PTPRK: variants seen among roughly 807,000 people sequenced by gnomAD.
PTPRK encodes protein tyrosine phosphatase receptor type K.
Under a neutral mutation model 178.0 loss-of-function variants are expected in PTPRK, and 75 were observed. The observed-to-expected ratio is 0.42, with a 90% CI of 0.35 to 0.51. The LOEUF (loss-of-function observed/expected upper bound fraction) is 0.51. PTPRK is among the 20% of genes least tolerant of loss of function. The pLI, the probability that PTPRK is intolerant of heterozygous loss-of-function variation, is 0.02. For missense variants in PTPRK, 1,441 were observed against 1,797.8 expected (o/e 0.80, Z 3.59); for synonymous variants, 637 against 620.6 (o/e 1.03, Z -0.39).
At chr6:128,134,325 TAG>T (rs1471223682) in intron 7 of PTPRK, among the ~76,000 whole-genome samples, 3 of 152,212 alleles carry the variant, frequency 2.0e-5, no homozygotes, top group African/African-American at 4.8e-5. Flanking sequence ...TGATCTTTTC[TAG>T]AGAGATTTGT....
At chr6:128,266,357 C>T (rs1168404222) in intron 3 of PTPRK, among the ~76,000 whole-genome samples, 2 of 152,082 alleles carry the variant, frequency 1.3e-5, no homozygotes, top group Non-Finnish European at 2.9e-5. Context: ...CCTTCACTTT[C>T]CAGTGGTCTG....
chr6:128,284,776 AAT>A (rs1461547969), intron 3 of PTPRK, among the ~76,000 whole-genome samples: 1 of 152,176 alleles, frequency 6.6e-6, no homozygotes, highest in Non-Finnish European at 1.5e-5. Flanking sequence ...CTAGAGTGCA[AAT>A]TTCTGTAGGG....
intron 7 of PTPRK, among the ~76,000 whole-genome samples, chr6:128,094,468 A>T (rs1787568176): frequency 6.6e-6 from 1 of 152,208 alleles, no homozygotes; most frequent in African/African-American, 2.4e-5. Flanking sequence ...GTGAATGGAT[A>T]CAATATAGCT....
At chr6:128,495,940 G>T (rs762113250) in intron 1 of PTPRK, among the ~76,000 whole-genome samples, 1 of 152,142 alleles carries the variant, frequency 6.6e-6, no homozygotes, top group Non-Finnish European at 1.5e-5. Context: ...CTCTTTGCTT[G>T]TATCTCCTGC....
At chr6:128,298,945 C>T (rs943355406) in intron 3 of PTPRK, among the ~76,000 whole-genome samples, 111 of 152,208 alleles carry the variant, frequency 7.3e-4, no homozygotes, top group Admixed American at 3.3e-3. Flanking sequence ...TGTTTGCAGA[C>T]GACATGATTG....
chr6:128,334,443 CAAG>C (rs1200443830), intron 2 of PTPRK, among the ~76,000 whole-genome samples: 2 of 152,028 alleles, frequency 1.3e-5, no homozygotes, highest in Non-Finnish European at 2.9e-5. Flanking sequence ...ACTTTTAGTA[CAAG>C]AAGTACATGA....
intron 3 of PTPRK, among the ~76,000 whole-genome samples, chr6:128,310,614 C>T (rs554308964): frequency 2.0e-5 from 3 of 152,262 alleles, no homozygotes; most frequent in East Asian, 1.9e-4. Flanking sequence ...GTGAAGGCAG[C>T]CCACTGACAA....
At chr6:128,454,052 G>A (rs1276148096) in intron 1 of PTPRK, among the ~76,000 whole-genome samples, 1 of 152,114 alleles carries the variant, frequency 6.6e-6, no homozygotes, top group Non-Finnish European at 1.5e-5. Context: ...AGCCCTTAAT[G>A]GAATAAAGCA....
intron 3 of PTPRK, among the ~76,000 whole-genome samples, chr6:128,320,511 A>T (rs1313591044): frequency 6.6e-6 from 1 of 152,166 alleles, no homozygotes; most frequent in Non-Finnish European, 1.5e-5. Flanking sequence ...ACAAGTTGTG[A>T]ACAGGGTTGA....
intron 3 of PTPRK, among the ~76,000 whole-genome samples, chr6:128,301,008 T>C (rs1437273097): frequency 1.3e-5 from 2 of 152,240 alleles, no homozygotes; most frequent in East Asian, 3.9e-4. Context: ...GTTCATTGTT[T>C]GTAACCACCT....
intron 1 of PTPRK, among the ~76,000 whole-genome samples, chr6:128,428,714 G>A (rs962677940): frequency 7.2e-5 from 11 of 152,258 alleles, no homozygotes; most frequent in East Asian, 1.9e-4. Flanking sequence ...CTAAAGTACC[G>A]ATGGGGTCCC....
At chr6:128,121,682 C>CT (rs1792492460) in intron 7 of PTPRK, among the ~76,000 whole-genome samples, 1 of 151,958 alleles carries the variant, frequency 6.6e-6, no homozygotes, top group Non-Finnish European at 1.5e-5. Context: ...CAGCTGCTTC[C>CT]TTCTCCCTAA....
At chr6:128,176,523 G>A (rs1265806902) in intron 7 of PTPRK, among the ~76,000 whole-genome samples, 1 of 151,816 alleles carries the variant, frequency 6.6e-6, no homozygotes, top group African/African-American at 2.4e-5. Flanking sequence ...ATCTTGCTTA[G>A]GGTGACATAA....
chr6:128,289,623 A>T (rs1823049300), intron 3 of PTPRK, among the ~76,000 whole-genome samples: 1 of 152,118 alleles, frequency 6.6e-6, no homozygotes, highest in Non-Finnish European at 1.5e-5. Flanking sequence ...GGTTTTAGTG[A>T]GACATCTCTA....
chr6:128,491,010 T>G lies in PTPRK; in HGVS notation c.100+29249A>C, dbSNP rs1853689524. 2.0e-5 allele frequency among the ~76,000 whole-genome samples: 3 copies of G among 152,268 alleles called. No individual in the cohort carries two copies. In the South Asian group the frequency reaches 6.2e-4, roughly 32 times the overall value. On this transcript the variant is annotated intron_variant, in intron 1 of 29. Transcript: ENST00000368226. Reference sequence around the variant, plus strand: ...TCCCTACCTCCAAATACAATCACATTGGGGGTTAGGGCTTCAACATATGAA... The same window carrying G: ...TCCCTACCTCCAAATACAATCACATGGGGGGTTAGGGCTTCAACATATGAA...
At chr6:128,317,047 G>A (rs563095003) in intron 3 of PTPRK, among the ~76,000 whole-genome samples, 1 of 152,268 alleles carries the variant, frequency 6.6e-6, no homozygotes, top group Admixed American at 6.5e-5. Context: ...TTTTGCCAGT[G>A]TAAAAATAAG....
intron 7 of PTPRK, among the ~76,000 whole-genome samples, chr6:128,124,780 G>A (rs1340806793): frequency 6.6e-6 from 1 of 152,096 alleles, no homozygotes; most frequent in African/African-American, 2.4e-5. Flanking sequence ...TAGACAAAAA[G>A]ACCAGCCTCC....
intron 7 of PTPRK, among the ~76,000 whole-genome samples, chr6:128,091,945 A>T (rs1471950261): frequency 3.3e-5 from 5 of 152,192 alleles, no homozygotes; most frequent in Non-Finnish European, 7.4e-5. Flanking sequence ...TTACATATCT[A>T]AGAGTGGGCA....
chr6:128,176,801 G>A (rs1801142730), intron 7 of PTPRK, among the ~76,000 whole-genome samples: 1 of 151,612 alleles, frequency 6.6e-6, no homozygotes, highest in Admixed American at 6.6e-5. Context: ...ATTCCATGTA[G>A]TAATGAGTCA....
Sources: gnomAD v4.1 joint callset for allele counts (sites outside exome capture counted in the v4.1 genomes callset) on GRCh38, gnomAD v4.1.1 for gene constraint, MANE v1.5 for transcripts, NCBI Gene and HGNC (gene_info 2026-07-23, HGNC 2026-07-21) for gene names.